The following PRKAG2 variants were observed in gnomAD, a reference collection of about 807,000 sequenced individuals.
PRKAG2 encodes 5'-AMP-activated protein kinase subunit gamma-2.
PRKAG2 carries 26 observed loss-of-function variants against 69.6 expected under a neutral mutation model. The observed-to-expected ratio is 0.37, with a 90% confidence interval of 0.27 to 0.52. The LOEUF is 0.52. Ranked by LOEUF, PRKAG2 falls within the 20% of genes least tolerant of loss-of-function variation. PRKAG2 has a pLI of 0.90. For synonymous variants in PRKAG2, 293 were observed against 285.0 expected, an observed-to-expected ratio of 1.03 and a Z score of -0.28; for missense variants, 557 against 740.0, an observed-to-expected ratio of 0.75 and a Z score of 2.87.
chr7:151,744,512 T>C (rs896730515), intron 3 of PRKAG2, among the ~76,000 whole-genome samples: 1 of 152,206 alleles, frequency 6.6e-6, no homozygotes, highest in African/African-American at 2.4e-5. Flanking sequence ...ACCTACAGGA[T>C]CAAGCCCCTT....
At chr7:151,866,037 A>AAAAAG (rs1424674102) in intron 1 of PRKAG2, among the ~76,000 whole-genome samples, 18 of 146,576 alleles carry the variant, frequency 1.2e-4, no homozygotes, top group African/African-American at 4.2e-4. Flanking sequence ...AAAAAAAAAG[A>AAAAAG]AAAAGAAAAG....
chr7:151,611,338 A>G (rs1432943671), intron 5 of PRKAG2, among the ~76,000 whole-genome samples: 1 of 152,140 alleles, frequency 6.6e-6, no homozygotes, highest in Non-Finnish European at 1.5e-5. Flanking sequence ...TTCGTTTACT[A>G]AGCAATGCTT....
intron 3 of PRKAG2, among the ~76,000 whole-genome samples, chr7:151,689,984 AGAG>A (rs766190153): frequency 3.9e-4 from 60 of 152,278 alleles, no homozygotes; most frequent in Non-Finnish European, 7.5e-4. Flanking sequence ...CGGAGGAGGA[AGAG>A]AAGAGGAAGG....
At chr7:151,608,339 T>C (rs1344466528) in intron 5 of PRKAG2, among the ~76,000 whole-genome samples, 2 of 152,252 alleles carry the variant, frequency 1.3e-5, no homozygotes, top group Non-Finnish European at 2.9e-5. Flanking sequence ...GTTCAAAGGC[T>C]ACTTCCTCCC....
chr7:151,864,493 A>C (rs2080013023), intron 1 of PRKAG2, among the ~76,000 whole-genome samples: 1 of 152,042 alleles, frequency 6.6e-6, no homozygotes, highest in Non-Finnish European at 1.5e-5. Context: ...CCTAGAGGGG[A>C]GGTCTCCTGG....
chr7:151,704,817 T>C (rs1838321393), intron 3 of PRKAG2, among the ~76,000 whole-genome samples: 1 of 152,102 alleles, frequency 6.6e-6, no homozygotes, highest in Admixed American at 6.5e-5. Flanking sequence ...AGAGAGTGAG[T>C]ATTGCCAAGG....
chr7:151,856,726 C>T (rs753297064), intron 1 of PRKAG2, among the ~76,000 whole-genome samples: 8 of 152,134 alleles, frequency 5.3e-5, no homozygotes, highest in Non-Finnish European at 7.3e-5. Context: ...CAGCCACACA[C>T]ACGGTCACGG....
intron 3 of PRKAG2, among the ~76,000 whole-genome samples, chr7:151,717,048 A>G (rs1220123183): frequency 6.6e-6 from 1 of 152,148 alleles, no homozygotes; most frequent in Admixed American, 6.5e-5. Context: ...GGAGTTCGAG[A>G]CCAGCCTGGC....
intron 5 of PRKAG2, among the ~76,000 whole-genome samples, chr7:151,610,326 G>A (rs1332122080): frequency 2.0e-5 from 3 of 152,138 alleles, no homozygotes; most frequent in East Asian, 1.9e-4. Context: ...CCGAGATTGC[G>A]CCACTGCACT....
At chr7:151,616,896 A>G (rs1820275157) in intron 5 of PRKAG2, among the ~76,000 whole-genome samples, 1 of 152,174 alleles carries the variant, frequency 6.6e-6, no homozygotes, top group South Asian at 2.1e-4. Flanking sequence ...GGAGTCTAGC[A>G]CTCATGGGAT....
chr7:151,559,291 T>C, intron 15 of PRKAG2: 1 of 982,550 alleles, frequency 1.0e-6, no homozygotes, highest in Non-Finnish European at 1.2e-6. Flanking sequence ...TCCATTCTTC[T>C]TTTCAAAGAT....
chr7:151,604,825 CTTG>C (rs1382142741), intron 5 of PRKAG2, among the ~76,000 whole-genome samples: 10 of 152,292 alleles, frequency 6.6e-5, no homozygotes, highest in African/African-American at 2.4e-4. Flanking sequence ...TCAGACCCTC[CTTG>C]TTGTGATGGC....
intron 3 of PRKAG2, among the ~76,000 whole-genome samples, chr7:151,708,577 A>AT (rs1839012581): frequency 2.0e-5 from 3 of 152,158 alleles, no homozygotes; most frequent in Admixed American, 2.0e-4. Flanking sequence ...ATTTGGAGCC[A>AT]GAGGGTCCTC....
intron 5 of PRKAG2, among the ~76,000 whole-genome samples, chr7:151,608,560 G>GT (rs1585196281): frequency 1.3e-5 from 2 of 152,248 alleles, no homozygotes; most frequent in East Asian, 3.9e-4. Context: ...TCAGGCATGA[G>GT]TTAATGCCTG....
At position 151,754,266 on chromosome 7, in the gene PRKAG2, G is replaced by A. The variant is rs115934139; in HGVS notation, c.466+26886C>T. Among the ~76,000 whole-genome samples, 1,292 of 152,354 alleles carry A rather than the reference G, an allele frequency of 8.5e-3. 15 individuals are homozygous for A. Among genetic ancestry groups the A allele is most frequent in the African/African-American group, 0.028 (1,173 of 41,586 alleles). On this transcript the variant is annotated intron_variant, in intron 3 of 15. Coordinates refer to ENST00000287878, the MANE Select transcript of PRKAG2 (RefSeq NM_016203.4). Reference sequence around the variant, plus strand: ...GGGGACGTCTTCCAGGCTGGCGCCAGAGGGCGCTGTCCCCAGGGACCACAC... The same window carrying A: ...GGGGACGTCTTCCAGGCTGGCGCCAAAGGGCGCTGTCCCCAGGGACCACAC...
At chr7:151,569,733 C>T (rs944917081) in intron 10 of PRKAG2, among the ~76,000 whole-genome samples, 9 of 152,198 alleles carry the variant, frequency 5.9e-5, no homozygotes, top group Admixed American at 2.0e-4. Context: ...ACGGGCCAGA[C>T]GACTACACAG....
chr7:151,826,845 C>G (rs1009574380), intron 1 of PRKAG2, among the ~76,000 whole-genome samples: 3 of 152,130 alleles, frequency 2.0e-5, no homozygotes, highest in South Asian at 4.1e-4. Flanking sequence ...CTCCTGCTTC[C>G]TAATTGCTCT....
At chr7:151,619,977 C>T (rs1309095832) in intron 5 of PRKAG2, among the ~76,000 whole-genome samples, 1 of 152,086 alleles carries the variant, frequency 6.6e-6, no homozygotes, top group Non-Finnish European at 1.5e-5. Context: ...GCCGAGATCG[C>T]GCCACTGTAC....
chr7:151,725,956 TG>T (rs2151658692), intron 3 of PRKAG2, among the ~76,000 whole-genome samples: 1 of 152,242 alleles, frequency 6.6e-6, no homozygotes, highest in Non-Finnish European at 1.5e-5. Context: ...GTGTAGAGGC[TG>T]GTATAAGGAG....
Sources: gnomAD v4.1 joint callset for allele counts (sites outside exome capture counted in the v4.1 genomes callset) on GRCh38, gnomAD v4.1.1 for gene constraint, MANE v1.5 for transcripts, NCBI Gene and HGNC (gene_info 2026-07-23, HGNC 2026-07-21) for gene names.